SLC26A4: variants seen among roughly 807,000 people sequenced by gnomAD.
SLC26A4 encodes the protein solute carrier family 26 member 4.
Under a neutral mutation model 90.4 loss-of-function variants are expected in SLC26A4, and 93 were observed. The ratio of observed to expected loss-of-function variants is 1.03; its 90% CI spans 0.87 to 1.22. The LOEUF (loss-of-function observed/expected upper bound fraction) is 1.22. SLC26A4 is among the 50% of genes most tolerant of loss of function. The probability of loss-of-function intolerance (pLI) is 0.00; values close to 1 mark genes in which losing one functional copy is unlikely to be tolerated. For synonymous variants in SLC26A4, 393 were observed against 354.6 expected, an observed-to-expected ratio of 1.11 and a Z score of -1.22; for missense variants, 1,127 against 946.2, an observed-to-expected ratio of 1.19 and a Z score of -2.51.
chr7:107,682,271 A>G (rs1053186974), intron 6 of SLC26A4, among the ~76,000 whole-genome samples: 2 of 152,112 alleles, frequency 1.3e-5, no homozygotes, highest in East Asian at 3.8e-4. Flanking sequence ...TGGCACACGT[A>G]TACATATGTA....
intron 10 of SLC26A4, among the ~76,000 whole-genome samples, chr7:107,691,600 C>T (rs1791581670): frequency 6.8e-6 from 1 of 147,406 alleles, no homozygotes; most frequent in Admixed American, 6.8e-5. Context: ...ACTGAAAAAA[C>T]TAATGACTCC....
intron 19 of SLC26A4, among the ~76,000 whole-genome samples, chr7:107,710,533 G>A (rs1231360172): frequency 1.3e-5 from 2 of 152,276 alleles, no homozygotes; most frequent in East Asian, 1.9e-4. Context: ...TGGGATTTGT[G>A]TACATAAATT....
intron 14 of SLC26A4, among the ~76,000 whole-genome samples, chr7:107,698,839 A>C (rs1476669117): frequency 6.6e-6 from 1 of 152,212 alleles, no homozygotes; most frequent in Non-Finnish European, 1.5e-5. Flanking sequence ...ATAAAATATG[A>C]CACAGGAAAT....
chr7:107,682,497 T>C (rs995192049), intron 6 of SLC26A4, among the ~76,000 whole-genome samples: 5 of 152,216 alleles, frequency 3.3e-5, no homozygotes, highest in African/African-American at 1.2e-4. Context: ...CAATAGCTTT[T>C]CTTTGCCAGA....
chr7:107,677,797 A>G (rs1431961029), intron 6 of SLC26A4, among the ~76,000 whole-genome samples: 1 of 151,914 alleles, frequency 6.6e-6, no homozygotes, highest in Non-Finnish European at 1.5e-5. Flanking sequence ...GTTGAATTTT[A>G]GTAGAGGCAA....
intron 3 of SLC26A4, among the ~76,000 whole-genome samples, chr7:107,668,961 T>C (rs1790790547): frequency 6.6e-6 from 1 of 152,174 alleles, no homozygotes; most frequent in African/African-American, 2.4e-5. Flanking sequence ...GGCTCAGATT[T>C]CTTCTAATTT....
Position 107,696,009 on chromosome 7 carries a change from G to A in SLC26A4, c.1514G>A (p.Gly505Glu). 6.2e-7 allele frequency: 1 copy of A among 1,609,906 alleles called. No homozygotes were observed. Among genetic ancestry groups the A allele is most frequent in the South Asian group, 1.1e-5 (1 of 90,988 alleles). ...GGTTTACTAGCTGGCCTTATATTTG[G>A]ACTGTTGACTGTGGTCCTGAGAGTT... ...DLGLLAGLIF[G>E]LLTVVLRVQF... is the part of the protein sequence containing the mutation. The change falls in exon 13 of 21, where the codon GGA becomes GAA. Residue 505 changes from glycine (G) to glutamate (E), a missense_variant. Physicochemically the swap from Gly to Glu is moderately conservative, Grantham distance 98 (BLOSUM62 -2). Transcript: ENST00000644269.
chr7:107,687,488 A>G (rs542254128), intron 8 of SLC26A4, among the ~76,000 whole-genome samples: 41 of 152,342 alleles, frequency 2.7e-4, no homozygotes, highest in African/African-American at 5.3e-4. Context: ...TACTTACACA[A>G]GTGATTCCTC....
At position 107,698,120 on chromosome 7, in the gene SLC26A4, C is replaced by CT. The variant is rs1284113895; in HGVS notation, c.1614+12dup. ...CCAAGAATTACAAAAACGTAAGTAC[C>CT]TTTGTGAGACATTTGCTGGACTTGG... On this transcript the variant is annotated intron_variant, in intron 14 of 20. Transcript: ENST00000644269. 1 of 1,571,860 alleles carries CT rather than the reference C, an allele frequency of 6.4e-7. No homozygotes were observed. Among genetic ancestry groups the CT allele is most frequent in the East Asian group, 2.2e-5 (1 of 44,658 alleles).
chr7:107,692,002 G>A, intron 10 of SLC26A4: 1 of 1,289,034 alleles, frequency 7.8e-7, no homozygotes, highest in Non-Finnish European at 1.0e-6. Context: ...GCGGGTGCAG[G>A]CAAATCTCAA....
Position 107,685,861 on chromosome 7 carries a change from T to A in SLC26A4, c.1001+2324T>A, listed in dbSNP as rs146031636. On this transcript the variant is annotated intron_variant, in intron 8 of 20. Transcript: ENST00000644269. ...ACCTCTTCTGTTATAGTGGTGTGTG[T>A]GTGTCTGTGTGTATGTGTGTGTGTG... is the stretch of plus-strand genomic sequence containing the variant. 1.1e-3 allele frequency among the ~76,000 whole-genome samples: 167 copies of A among 152,340 alleles called. 4 individuals carry two copies. In the East Asian group the frequency reaches 0.031, roughly 28 times the overall value.
At chr7:107,711,106 A>G (rs1392032385) in intron 19 of SLC26A4, among the ~76,000 whole-genome samples, 1 of 151,994 alleles carries the variant, frequency 6.6e-6, no homozygotes, top group Admixed American at 6.6e-5. Flanking sequence ...TCCTTGGTAA[A>G]ATACTAGTCC....
rs1790982499 is a variant in SLC26A4 at position 107,675,007 on chromosome 7, T to C, written c.663T>C (p.Gly221=). 6.2e-7 allele frequency: 1 copy of C among 1,613,940 alleles called. No homozygotes were observed. The highest frequency in any genetic ancestry group is 1.3e-5 in the African/African-American group (1 of 74,906). The change falls in exon 6 of 21, where the codon GGT becomes GGC. Residue 221 remains glycine (G), a synonymous_variant. Transcript: ENST00000644269. ...GGTACTTGGCAGATCCTTTGGTTGG[T>C]GGCTTCACAACAGCTGCTGCCTTCC... ...IVRYLADPLV[G]GFTTAAAFQV... is the part of the protein sequence containing the mutation.
rs547278884 is a variant in SLC26A4, at chr7:107,689,189, G to A, written c.1138G>A (p.Asp380Asn). The A allele has an allele frequency of 5.6e-6, 9 of 1,613,528 alleles. No individual in the cohort carries two copies. The highest frequency in any genetic ancestry group is 5.0e-5 in the Admixed American group (3 of 59,976). Residue 380 changes from aspartate to asparagine, a missense_variant, in exon 9 of 21, where the codon GAT (aspartate) becomes AAT (asparagine). Coordinates refer to ENST00000644269, the MANE Select transcript of SLC26A4 (RefSeq NM_000441.2). ...VYATKYDYTI[D>N]GNQEFIAFGI... ...TGCCACCAAGTATGATTACACCATC[G>A]ATGGGAACCAGGTATGGGTGCCCTT...
In SLC26A4 at chr7:107,709,984, C is replaced by T; in HGVS notation, c.2090-70C>T. 5 of 1,348,442 alleles carry T rather than the reference C, an allele frequency of 3.7e-6. 1 individual carries two copies. In the South Asian group the frequency reaches 6.0e-5, roughly 16 times the overall value. 83.5% of individuals were successfully genotyped at this position (1,348,442 alleles called of 1,614,324 possible). On this transcript the variant is annotated intron_variant, in intron 18 of 20. Coordinates refer to ENST00000644269, the MANE Select transcript of SLC26A4 (RefSeq NM_000441.2). ...CTCCAGCCTGGGCAATAGAATGAGA[C>T]TCTGTCTCAAAAACAAACAAAAATT...
chr7:107,687,861 T>C (rs1356394741), intron 8 of SLC26A4, among the ~76,000 whole-genome samples: 1 of 152,192 alleles, frequency 6.6e-6, no homozygotes, highest in Non-Finnish European at 1.5e-5. Flanking sequence ...GGTGATGTCA[T>C]GCTGAGTCGC....
chr7:107,665,674 T>C (rs755035615), intron 3 of SLC26A4, among the ~76,000 whole-genome samples: 6 of 152,216 alleles, frequency 3.9e-5, no homozygotes, highest in Admixed American at 2.0e-4. Flanking sequence ...CTTATAAGAA[T>C]TCATTTTGTT....
chr7:107,661,523 C>A lies in SLC26A4; in HGVS notation c.-3-116C>A. The A allele has an allele frequency of 8.5e-7, 1 of 1,173,184 alleles. No homozygotes were observed. Among genetic ancestry groups the A allele is most frequent in the Non-Finnish European group, 1.2e-6 (1 of 821,644 alleles). 72.7% of individuals were successfully genotyped at this position (1,173,184 alleles called of 1,614,324 possible). ...CAGGACGCGGACCAGACTCGCGGTG[C>A]AGGGGGGCCTGGCTGCAGCTAACAG... is the stretch of plus-strand genomic sequence containing the variant. On this transcript the variant is annotated intron_variant, in intron 1 of 20. Transcript: ENST00000644269. The surrounding 1 kb of genome is among the most constrained non-coding windows in gnomAD (Gnocchi z 5.1).
rs200043437 is a variant in SLC26A4 at position 107,702,083 on chromosome 7, A to G, written c.2034+26A>G. ...GTAAGGTTCTGGTTTTCTGAATTAT[A>G]CATTTGGAGCTTTGGCAATAGTAAA... On this transcript the variant is annotated intron_variant, in intron 17 of 20. Coordinates refer to ENST00000644269, the MANE Select transcript of SLC26A4 (RefSeq NM_000441.2). The G allele has an allele frequency of 4.8e-6, 7 of 1,458,212 alleles. No homozygotes were observed. In the East Asian group the frequency reaches 1.4e-4, roughly 28 times the overall value. The allele number at this position is 1,458,212 out of a possible 1,614,324, so 90.3% of individuals were successfully genotyped here.
Sources: allele counts gnomAD v4.1 joint callset (sites outside exome capture counted in the v4.1 genomes callset), GRCh38; gene constraint gnomAD v4.1.1; non-coding constraint Gnocchi (gnomAD v3.1); transcripts MANE v1.5; gene names NCBI Gene and HGNC (gene_info 2026-07-23, HGNC 2026-07-21).